MAGI1: variants seen among roughly 807,000 people sequenced by gnomAD.
The protein encoded by MAGI1 is membrane-associated guanylate kinase, WW and PDZ domain-containing protein 1.
In MAGI1, 58 loss-of-function variants were observed where a neutral mutation model predicts 139.9. The observed-to-expected ratio is 0.41, with a 90% CI of 0.34 to 0.52. The LOEUF is 0.52. MAGI1 is among the 20% of genes least tolerant of loss of function. MAGI1 has a pLI of 0.12. For synonymous variants in MAGI1, 812 were observed against 737.9 expected, an observed-to-expected ratio of 1.10 and a Z score of -1.63; for missense variants, 1,874 against 1,901.6, an observed-to-expected ratio of 0.99 and a Z score of 0.27.
chr3:65,549,467 G>C, intron 2 of MAGI1: 1 of 985,284 alleles, frequency 1.0e-6, no homozygotes, highest in Non-Finnish European at 1.2e-6. Flanking sequence ...CCAGGCGCGC[G>C]CTCGGTGGCC....
At position 65,379,525 on chromosome 3, in the gene MAGI1, G is replaced by C; in HGVS notation, c.2731C>G (p.Pro911Ala). 1 of 1,611,560 alleles carries C rather than the reference G, an allele frequency of 6.2e-7. No individual in the cohort carries two copies. The change falls in exon 17 of 23, where the codon CCA (proline) becomes GCA (alanine). Residue 911 changes from proline to alanine, a missense_variant. Transcript: ENST00000402939. ...VPKTENEVPS[P>A]ASSHHSSNQP... ...TTGCTACTGTGATGAGAGGAGGCTG[G>C]CGAGGGCACCTCGTTCTCGGTTTTG... is the stretch of plus-strand genomic sequence containing the variant.
intron 1 of MAGI1, among the ~76,000 whole-genome samples, chr3:65,750,057 G>A (rs2036019450): frequency 6.7e-6 from 1 of 148,606 alleles, no homozygotes; most frequent in Non-Finnish European, 1.5e-5. Flanking sequence ...GTTAAGGGCA[G>A]GCAGAGCAGA....
At chr3:65,435,333 A>G (rs532115052) in intron 10 of MAGI1, among the ~76,000 whole-genome samples, 16 of 152,342 alleles carry the variant, frequency 1.1e-4, no homozygotes, top group African/African-American at 3.8e-4. Context: ...TGTCTAATAC[A>G]GACAAATACC....
chr3:65,470,825 T>C (rs918734796), intron 4 of MAGI1, among the ~76,000 whole-genome samples: 6 of 152,194 alleles, frequency 3.9e-5, no homozygotes, highest in African/African-American at 1.2e-4. Context: ...AAAACACAGA[T>C]GGATCTGCAC....
In MAGI1 at chr3:65,439,819, C is replaced by A. The variant is rs532320836; in HGVS notation, c.1270+60G>T. 4 of 1,600,774 alleles carry A rather than the reference C, an allele frequency of 2.5e-6. No individual in the cohort carries two copies. In the African/African-American group the frequency reaches 4.0e-5, roughly 16 times the overall value. On this transcript the variant is annotated intron_variant, in intron 9 of 22. Transcript: ENST00000402939. ...AGTTCTGACCACACGAGGGTGTCAG[C>A]GCTCAGATTTCACCCCATGCTCCCC...
chr3:65,657,777 C>G (rs952016103), intron 1 of MAGI1, among the ~76,000 whole-genome samples: 4 of 152,138 alleles, frequency 2.6e-5, no homozygotes, highest in Non-Finnish European at 4.4e-5. Context: ...AAAAATCAAA[C>G]CACCTTGCAT....
In MAGI1 at chr3:65,574,244, T is replaced by C. The variant is rs551536853; in HGVS notation, c.430+47728A>G. On this transcript the variant is annotated intron_variant, in intron 2 of 22. Coordinates refer to ENST00000402939, the MANE Select transcript of MAGI1 (RefSeq NM_001033057.2). The stretch of plus-strand genomic sequence containing the variant: ...GCAGGTTTTTACATATATATATGTA[T>C]ATATATATACATACATATATGTAAA... 5.6e-4 allele frequency among the ~76,000 whole-genome samples: 68 copies of C among 120,476 alleles called. No homozygotes were observed. In the East Asian group the frequency reaches 0.018, roughly 31 times the overall value. The allele number at this position is 120,476 out of a possible 152,430, so 79.0% of individuals were successfully genotyped here.
chr3:65,857,499 C>A (rs527882810), intron 1 of MAGI1, among the ~76,000 whole-genome samples: 2 of 152,298 alleles, frequency 1.3e-5, no homozygotes, highest in South Asian at 2.1e-4. Flanking sequence ...CCAAATCACA[C>A]AGAAGAAAAC....
intron 1 of MAGI1, among the ~76,000 whole-genome samples, chr3:65,659,757 G>A (rs1421119011): frequency 2.6e-5 from 4 of 152,152 alleles, no homozygotes; most frequent in African/African-American, 9.6e-5. Context: ...GGGGCCAAGA[G>A]CCTGGATATC....
At chr3:65,433,131 T>C (rs1263537526) in intron 10 of MAGI1, among the ~76,000 whole-genome samples, 1 of 152,208 alleles carries the variant, frequency 6.6e-6, no homozygotes, top group Non-Finnish European at 1.5e-5. Context: ...GTATCTAGAA[T>C]ATTGTCTGGT....
intron 2 of MAGI1, among the ~76,000 whole-genome samples, chr3:65,537,243 TCTC>T (rs1057120698): frequency 1.3e-5 from 2 of 152,056 alleles, no homozygotes; most frequent in African/African-American, 4.8e-5. Flanking sequence ...AGCTATTACC[TCTC>T]CCTATGAGAT....
chr3:65,552,300 AT>A, intron 2 of MAGI1, among the ~76,000 whole-genome samples: 2 of 150,410 alleles, frequency 1.3e-5, no homozygotes, highest in Non-Finnish European at 2.9e-5. Context: ...CCCCATTCCA[AT>A]TTCCCAACAT....
chr3:65,746,418 T>C (rs529460699), intron 1 of MAGI1, among the ~76,000 whole-genome samples: 1 of 152,352 alleles, frequency 6.6e-6, no homozygotes, highest in Non-Finnish European at 1.5e-5. Context: ...TAAATTCTCC[T>C]ATATAGGATG....
intron 1 of MAGI1, among the ~76,000 whole-genome samples, chr3:65,818,758 G>C (rs192851779): frequency 3.3e-5 from 5 of 152,212 alleles, no homozygotes; most frequent in African/African-American, 1.2e-4. Context: ...CTGAGAGCAC[G>C]AGGGCACCAG....
At chr3:65,526,088 A>C (rs2078364336) in intron 2 of MAGI1, among the ~76,000 whole-genome samples, 1 of 152,214 alleles carries the variant, frequency 6.6e-6, no homozygotes, top group African/African-American at 2.4e-5. Flanking sequence ...CTTCTATCAT[A>C]ATCTACATCA....
At chr3:65,730,755 C>T (rs948980788) in intron 1 of MAGI1, among the ~76,000 whole-genome samples, 3 of 152,036 alleles carry the variant, frequency 2.0e-5, no homozygotes, top group Non-Finnish European at 2.9e-5. Context: ...GAAAGATCTA[C>T]GGATAAACAA....
intron 1 of MAGI1, chr3:65,844,259 A>T (rs971291806): frequency 1.1e-5 from 5 of 435,402 alleles, no homozygotes; most frequent in African/African-American, 2.0e-5. Context: ...CAAAGCACCT[A>T]AGATGTGCTA....
At chr3:65,742,146 G>A (rs1172785494) in intron 1 of MAGI1, among the ~76,000 whole-genome samples, 2 of 152,044 alleles carry the variant, frequency 1.3e-5, no homozygotes, top group South Asian at 2.1e-4. Flanking sequence ...AGTCCAAGAA[G>A]AACAAAGGCT....
chr3:65,558,091 G>C (rs1423302779), intron 2 of MAGI1, among the ~76,000 whole-genome samples: 2 of 152,104 alleles, frequency 1.3e-5, no homozygotes, highest in Admixed American at 6.6e-5. Context: ...TATGAGTCCA[G>C]GGCACCAATA....
Sources: allele counts gnomAD v4.1 joint callset (sites outside exome capture counted in the v4.1 genomes callset), GRCh38; gene constraint gnomAD v4.1.1; transcripts MANE v1.5; gene names NCBI Gene and HGNC (gene_info 2026-07-23, HGNC 2026-07-21).